Variants in GTPBP4 observed in about 807,000 individuals in gnomAD.
GTPBP4 encodes GTP-binding protein 4.
A neutral mutation model predicts 81.7 loss-of-function variants in GTPBP4; 15 were observed. The ratio of observed to expected loss-of-function variants is 0.18; its 90% CI spans 0.12 to 0.28. GTPBP4 has a LOEUF of 0.28. Ranked by LOEUF, GTPBP4 falls within the 10% of genes least tolerant of loss-of-function variation. GTPBP4 has a pLI of 1.00. For missense variants in GTPBP4, 847 were observed against 793.8 expected, an observed-to-expected ratio of 1.07 and a Z score of -0.81; for synonymous variants, 272 against 274.6, an observed-to-expected ratio of 0.99 and a Z score of 0.09.
intron 1 of GTPBP4, among the ~76,000 whole-genome samples, chr10:991,096 C>T (rs1189329184): frequency 2.0e-5 from 3 of 151,328 alleles, no homozygotes; most frequent in African/African-American, 7.3e-5. Context: ...ACTGTTGTGA[C>T]CACCCATTTA....
intron 2 of GTPBP4, among the ~76,000 whole-genome samples, chr10:993,080 G>A (rs988728452): frequency 3.3e-5 from 5 of 151,954 alleles, no homozygotes; most frequent in African/African-American, 4.8e-5. Flanking sequence ...GGTCAGTGGT[G>A]TAAGATCCAC....
In GTPBP4 at chr10:1,009,440, G is replaced by A. The variant is rs1831809870; in HGVS notation, c.1192-89G>A. ...CCCCACTGATACTGAGAGGATTGGAGAAAAGATTGTTTCAAGTGACAAGGG... is the reference window on the plus strand; with the variant it reads ...CCCCACTGATACTGAGAGGATTGGAAAAAAGATTGTTTCAAGTGACAAGGG... On this transcript the variant is annotated intron_variant, in intron 11 of 16. Coordinates refer to ENST00000360803, the MANE Select transcript of GTPBP4 (RefSeq NM_012341.3). 3 of 895,512 alleles carry A rather than the reference G, an allele frequency of 3.4e-6. No homozygotes were observed. The East Asian group carries it at 7.2e-5, about 22-fold the overall frequency. 55.5% of individuals were successfully genotyped at this position (895,512 alleles called of 1,614,324 possible).
At chr10:1,005,743 G>T in intron 8 of GTPBP4, 75 bp from the exon 9 acceptor site, 1 of 826,730 alleles carries the variant, frequency 1.2e-6, no homozygotes, top group Non-Finnish European at 2.1e-6. Flanking sequence ...GCCTCCATTT[G>T]CAGAACTGTA....
At chr10:988,639 C>A in intron 1 of GTPBP4, 112 bp downstream of exon 1, 1 of 788,820 alleles carries the variant, frequency 1.3e-6, no homozygotes, top group Non-Finnish European at 2.2e-6. Context: ...CTCGCCCATC[C>A]CCCGCTCCTG....
chr10:998,173 C>T (rs889955260), intron 5 of GTPBP4, among the ~76,000 whole-genome samples: 2 of 152,124 alleles, frequency 1.3e-5, no homozygotes, highest in Admixed American at 6.5e-5. Context: ...AGACATGGCT[C>T]GCTGCAGCCT....
At chr10:1,012,091 G>A (rs931350212) in intron 13 of GTPBP4, among the ~76,000 whole-genome samples, 1 of 152,178 alleles carries the variant, frequency 6.6e-6, no homozygotes, top group Non-Finnish European at 1.5e-5. Context: ...ACATTAGAAC[G>A]GACACGTGGG....
chr10:991,184 C>T (rs1381071143), intron 1 of GTPBP4, among the ~76,000 whole-genome samples: 1 of 152,194 alleles, frequency 6.6e-6, no homozygotes, highest in Non-Finnish European at 1.5e-5. Context: ...GTGTTGTGCC[C>T]ACCTGTTTAC....
At chr10:1,010,571 T>G in intron 13 of GTPBP4, 51 bp downstream of exon 13, 1 of 994,046 alleles carries the variant, frequency 1.0e-6, no homozygotes, top group East Asian at 2.4e-5. Flanking sequence ...ATTATAGTAG[T>G]ATTGCTGGAA....
intron 12 of GTPBP4, 84 bp from the exon 13 acceptor site, chr10:1,010,336 G>C: frequency 7.9e-5 from 55 of 695,004 alleles, no homozygotes; most frequent in African/African-American, 9.1e-5. Flanking sequence ...TTGATTTGCC[G>C]TCAGTCACAA....
chr10:1,001,144 C>T (rs945399535), intron 8 of GTPBP4, 131 bp downstream of exon 8: 2 of 651,474 alleles, frequency 3.1e-6, no homozygotes, highest in Non-Finnish European at 5.4e-6. Flanking sequence ...GAGATAATAT[C>T]CTCAGTGGTT....
chr10:1,012,897 T>G (rs2306404), intron 14 of GTPBP4, among the ~76,000 whole-genome samples: 28,739 of 152,156 alleles, frequency 0.19, 2,839 homozygotes, highest in East Asian at 0.31. Flanking sequence ...ATCCAGTCAT[T>G]TTGCAGTTGT....
At chr10:1,015,318 C>T (rs1453154859) in intron 15 of GTPBP4, among the ~76,000 whole-genome samples, 5 of 151,964 alleles carry the variant, frequency 3.3e-5, no homozygotes, top group African/African-American at 1.2e-4. Context: ...TCCTCTCCTC[C>T]CCTCTTGCTG....
rs546873886 is a variant in GTPBP4 at position 1,017,805 on chromosome 10, T to C, written c.*578T>C. 1.3e-5 allele frequency: 2 copies of C among 152,302 alleles called. No homozygotes were observed. Among genetic ancestry groups the C allele is most frequent in the East Asian group, 3.9e-4 (2 of 5,188 alleles). The allele number at this position is 152,302 out of a possible 1,614,324, so 9.4% of individuals were successfully genotyped here. ...TTTTGTTTTAAAGCAAAAATACTTT[T>C]GGGGGAGTAAAATGTTGCTGGAGGC... On this transcript the variant is annotated 3_prime_UTR_variant, in exon 17 of 17. Transcript: ENST00000360803.
intron 5 of GTPBP4, 120 bp downstream of exon 5, chr10:997,428 C>T (rs1170366381): frequency 9.4e-6 from 7 of 741,180 alleles, no homozygotes; most frequent in Middle Eastern, 5.7e-4. Context: ...ATTCTGACTG[C>T]GTGGGATTCA....
At chr10:1,000,110 T>G (rs934098166) in intron 6 of GTPBP4, among the ~76,000 whole-genome samples, 1 of 152,218 alleles carries the variant, frequency 6.6e-6, no homozygotes, top group East Asian at 1.9e-4. Context: ...AGGAGTCATT[T>G]CTCTCAACAT....
rs1047355304 is a variant in GTPBP4 at position 1,018,773 on chromosome 10, A to T, written c.*1546A>T. On this transcript the variant is annotated 3_prime_UTR_variant, in exon 17 of 17. Coordinates refer to ENST00000360803, the MANE Select transcript of GTPBP4 (RefSeq NM_012341.3). The stretch of plus-strand genomic sequence containing the variant: ...CAGTGAGCCAAGATCGCACCACTGC[A>T]CTCCAGCCTGGTCGACAGCGAGACT... 2.0e-5 allele frequency: 3 copies of T among 147,198 alleles called. No individual in the cohort carries two copies. The highest frequency in any genetic ancestry group is 4.5e-5 in the Non-Finnish European group (3 of 67,408). 9.1% of individuals were successfully genotyped at this position (147,198 alleles called of 1,614,324 possible). A position where few individuals can be genotyped will look rare whatever the true frequency, so the allele number is the denominator to read the frequency against.
intron 13 of GTPBP4, among the ~76,000 whole-genome samples, chr10:1,011,105 C>T (rs1831859338): frequency 2.2e-5 from 2 of 90,044 alleles, no homozygotes; most frequent in African/African-American, 4.1e-5. Flanking sequence ...GCACCTCTTC[C>T]CCCCACCCCG....
intron 8 of GTPBP4, among the ~76,000 whole-genome samples, chr10:1,004,882 G>C (rs1356563802): frequency 6.6e-6 from 1 of 152,188 alleles, no homozygotes; most frequent in Non-Finnish European, 1.5e-5. Flanking sequence ...TCCAGCCGCA[G>C]TTCCAGTCCC....
intron 12 of GTPBP4, 37 bp downstream of exon 12, chr10:1,009,617 A>T: frequency 8.6e-7 from 1 of 1,165,160 alleles, no homozygotes; most frequent in East Asian, 2.3e-5. Flanking sequence ...ATAAAATGCC[A>T]ATTGGACGTG....
Sources: gnomAD v4.1 joint callset for allele counts (sites outside exome capture counted in the v4.1 genomes callset) on GRCh38, gnomAD v4.1.1 for gene constraint, MANE v1.5 for transcripts, NCBI Gene and HGNC (gene_info 2026-07-23, HGNC 2026-07-21) for gene names.